EIF2AK4: variants seen among roughly 807,000 people sequenced by gnomAD.
The protein encoded by EIF2AK4 is eIF-2-alpha kinase GCN2.
A neutral mutation model predicts 211.1 loss-of-function variants in EIF2AK4; 139 were observed. The observed-to-expected ratio is 0.66, with a 90% CI of 0.57 to 0.76. The LOEUF (loss-of-function observed/expected upper bound fraction) is 0.76. Ranked by LOEUF, EIF2AK4 falls within the 30% of genes least tolerant of loss-of-function variation. The probability of loss-of-function intolerance (pLI) is 0.00; values close to 1 mark genes in which losing one functional copy is unlikely to be tolerated. For missense variants in EIF2AK4, 1,664 were observed against 2,043.8 expected (o/e 0.81, Z 3.58); for synonymous variants, 710 against 751.3 (o/e 0.94, Z 0.90).
intron 27 of EIF2AK4, among the ~76,000 whole-genome samples, chr15:40,016,214 G>C (rs572755811): frequency 2.2e-4 from 34 of 152,326 alleles, no homozygotes; most frequent in African/African-American, 7.7e-4. Flanking sequence ...TGGAAGCTCT[G>C]CTAGTGCCAG....
intron 21 of EIF2AK4, among the ~76,000 whole-genome samples, chr15:40,001,785 G>C (rs2035096010): frequency 1.3e-5 from 2 of 152,202 alleles, no homozygotes; most frequent in Admixed American, 1.3e-4. Context: ...GAAACTCTCT[G>C]ACAATGCAGA....
chr15:39,940,134 C>T (rs1401038089), intron 2 of EIF2AK4, among the ~76,000 whole-genome samples: 1 of 152,144 alleles, frequency 6.6e-6, no homozygotes, highest in Non-Finnish European at 1.5e-5. Context: ...GTTTAGCATC[C>T]CTGGCCCCCA....
At chr15:40,018,790 G>C (rs1339556709) in intron 29 of EIF2AK4, among the ~76,000 whole-genome samples, 1 of 152,094 alleles carries the variant, frequency 6.6e-6, no homozygotes, top group African/African-American at 2.4e-5. Flanking sequence ...TTTGCAGCCA[G>C]TATGTGTTTT....
chr15:39,993,588 C>T (rs1043427625), intron 18 of EIF2AK4, among the ~76,000 whole-genome samples: 2 of 152,184 alleles, frequency 1.3e-5, no homozygotes, highest in Non-Finnish European at 2.9e-5. Context: ...GTGAGAGAGA[C>T]AGCTTGGCAC....
Position 39,934,248 on chromosome 15 carries a change from G to T in EIF2AK4, c.53G>T (p.Ser18Ile), listed in dbSNP as rs1489318389. 6.2e-7 allele frequency: 1 copy of T among 1,609,174 alleles called. No homozygotes were observed. Among genetic ancestry groups the T allele is most frequent in the East Asian group, 2.2e-5 (1 of 44,736 alleles). The change falls in exon 1 of 39, where the codon AGC (serine) becomes ATC (isoleucine). Residue 18 changes from serine (S) to isoleucine (I), a missense_variant. By Grantham distance (142) the Ser-to-Ile change is moderately radical. Around this residue, in one of 7 missense-constraint regions of EIF2AK4, gnomAD observed 641 missense variants for 729.6 expected, o/e 0.88. Coordinates refer to ENST00000263791, the MANE Select transcript of EIF2AK4 (RefSeq NM_001013703.4). ...CGCGGCCGGGACGAGCCTCCGGAGA[G>T]CTACCCGCAACGACAGGACCACGAG... ...PGRGRDEPPESYPQRQDHELQ... is the reference protein window; with the variant it reads ...PGRGRDEPPEIYPQRQDHELQ...
In EIF2AK4 at chr15:39,976,533, G is replaced by A. The variant is rs1271054954; in HGVS notation, c.1938G>A (p.Glu646=). 20 of 1,612,990 alleles carry A rather than the reference G, an allele frequency of 1.2e-5. No homozygotes were observed. The East Asian group carries it at 3.6e-4, about 29-fold the overall frequency. ...EVTLLSRLHH[E]NIVRYYNAWI... ...CACTGCTGTCACGGCTGCACCATGA[G>A]AACATTGTGCGCTACTACAACGCCT... Residue 646 remains glutamate, a synonymous_variant, in exon 12 of 39, where the codon GAG becomes GAA. Transcript: ENST00000263791.
chr15:39,967,961 A>G (rs2034568829), intron 9 of EIF2AK4, 82 bp downstream of exon 9: 2 of 1,405,596 alleles, frequency 1.4e-6, no homozygotes, highest in African/African-American at 1.4e-5. Context: ...CATCTAAGTG[A>G]TGTGGAAGCT....
At chr15:39,984,871 A>T (rs11070240) in intron 13 of EIF2AK4, among the ~76,000 whole-genome samples, 101,987 of 152,064 alleles carry the variant, frequency 0.67, 34,394 homozygotes, top group East Asian at 0.74. Flanking sequence ...TGCCCTGGCC[A>T]GAACTTCCAA....
intron 6 of EIF2AK4, among the ~76,000 whole-genome samples, chr15:39,956,751 C>T (rs1334838066): frequency 6.6e-6 from 1 of 151,940 alleles, no homozygotes; most frequent in Non-Finnish European, 1.5e-5. Flanking sequence ...GGACTTCAAC[C>T]TTCATTGTAT....
At chr15:40,017,060 T>C (rs1324921226) in intron 28 of EIF2AK4, 48 bp from the exon 29 acceptor site, 1 of 1,593,056 alleles carries the variant, frequency 6.3e-7, no homozygotes, top group African/African-American at 1.3e-5. Flanking sequence ...TATTCCACAT[T>C]CTAAATTTCA....
At chr15:39,951,388 T>A in intron 4 of EIF2AK4, 2 of 283,784 alleles carry the variant, frequency 7.0e-6, no homozygotes, top group Non-Finnish European at 1.4e-5. Flanking sequence ...TCTCCATGTA[T>A]GTGTCATGCT....
chr15:40,008,163 T>C lies in EIF2AK4; in HGVS notation c.3544T>C (p.Tyr1182His). Residue 1182 changes from tyrosine (Y) to histidine (H), a missense_variant, in exon 25 of 39, where the codon TAT becomes CAT. Around this residue, in one of 7 missense-constraint regions of EIF2AK4, gnomAD observed 622 missense variants for 796.8 expected, o/e 0.78. Coordinates refer to ENST00000263791, the MANE Select transcript of EIF2AK4 (RefSeq NM_001013703.4). Reference sequence around the variant, plus strand: ...CACTGCTGAAATTATCTACACTATCTATGAAATCATCCAAGAGTTTCCAGC... The same window carrying C: ...CACTGCTGAAATTATCTACACTATCCATGAAATCATCCAAGAGTTTCCAGC... ...LPTAEIIYTI[Y>H]EIIQEFPALQ... The C allele has an allele frequency of 6.2e-7, 1 of 1,608,858 alleles. No homozygotes were observed. The highest frequency in any genetic ancestry group is 2.2e-5 in the East Asian group (1 of 44,776).
At chr15:39,982,605 T>C (rs58164715) in intron 13 of EIF2AK4, among the ~76,000 whole-genome samples, 4,725 of 143,806 alleles carry the variant, frequency 0.033, 252 homozygotes, top group African/African-American at 0.11. Flanking sequence ...CATGCAGTTT[T>C]GTTACATAGT....
At chr15:39,966,559 G>A (rs1341915487) in intron 8 of EIF2AK4, among the ~76,000 whole-genome samples, 1 of 151,588 alleles carries the variant, frequency 6.6e-6, no homozygotes, top group Non-Finnish European at 1.5e-5. Context: ...GGGGACCGGA[G>A]GATTTTTAAG....
intron 13 of EIF2AK4, among the ~76,000 whole-genome samples, chr15:39,983,952 C>G (rs774543058): frequency 3.9e-5 from 6 of 152,144 alleles, no homozygotes; most frequent in Non-Finnish European, 5.9e-5. Flanking sequence ...ATGGTATTGC[C>G]TAGGTTTTCT....
intron 30 of EIF2AK4, among the ~76,000 whole-genome samples, chr15:40,020,165 CAAAAAA>C (rs34522012): frequency 5.3e-4 from 70 of 132,378 alleles, no homozygotes; most frequent in African/African-American, 1.7e-3. Context: ...CAGACCCTGT[CAAAAAA>C]AAAAAAAGAA....
chr15:39,934,571 C>T (rs1346882388), intron 1 of EIF2AK4, among the ~76,000 whole-genome samples: 2 of 152,218 alleles, frequency 1.3e-5, no homozygotes, highest in Non-Finnish European at 2.9e-5. Context: ...AGAGGAATCC[C>T]CCTGGATTCC....
chr15:39,951,420 A>G (rs2034311129), intron 4 of EIF2AK4: 2 of 304,734 alleles, frequency 6.6e-6, no homozygotes, highest in South Asian at 2.7e-5. Context: ...TTTCAGCACA[A>G]TTGTTACATG....
chr15:40,023,128 G>T (rs1426165852), intron 32 of EIF2AK4, among the ~76,000 whole-genome samples: 3 of 152,128 alleles, frequency 2.0e-5, no homozygotes, highest in African/African-American at 7.2e-5. Context: ...ACTGGCTGTG[G>T]TTTTTTCCTA....
Sources: gnomAD v4.1 joint callset for allele counts (sites outside exome capture counted in the v4.1 genomes callset) on GRCh38, gnomAD v4.1.1 for gene constraint, gnomAD v4.1.1 regional missense constraint, MANE v1.5 for transcripts, NCBI Gene and HGNC (gene_info 2026-07-23, HGNC 2026-07-21) for gene names.